SPNS2: variants seen among roughly 807,000 people sequenced by gnomAD.
The protein encoded by SPNS2 is sphingosine-1-phosphate transporter SPNS2.
In SPNS2, 37 loss-of-function variants were observed where a neutral mutation model predicts 57.6. The ratio of observed to expected loss-of-function variants is 0.64; its 90% CI spans 0.49 to 0.85. SPNS2 has a LOEUF of 0.85. Among genes scored for constraint, SPNS2 ranks in the 40% least tolerant of loss-of-function variants. SPNS2 has a pLI of 0.00. For missense variants in SPNS2, 831 were observed against 779.1 expected (o/e 1.07, Z -0.79); for synonymous variants, 440 against 346.9 (o/e 1.27, Z -2.98).
At chr17:4,531,683 G>A (rs762850256) in intron 5 of SPNS2, among the ~76,000 whole-genome samples, 1 of 152,150 alleles carries the variant, frequency 6.6e-6, no homozygotes, top group Non-Finnish European at 1.5e-5. Context: ...ATTTCTTAGT[G>A]GGGTGGGGGG....
intron 1 of SPNS2, among the ~76,000 whole-genome samples, chr17:4,501,999 A>G (rs1241076703): frequency 6.6e-6 from 1 of 152,266 alleles, no homozygotes; most frequent in Non-Finnish European, 1.5e-5. Flanking sequence ...GGACTAAAAT[A>G]GTACAAGAAA....
intron 1 of SPNS2, among the ~76,000 whole-genome samples, chr17:4,505,200 C>T (rs1904641517): frequency 6.6e-6 from 1 of 152,120 alleles, no homozygotes; most frequent in Admixed American, 6.5e-5. Flanking sequence ...ACCTGGGACC[C>T]CCGCATGCAT....
Position 4,533,109 on chromosome 17 carries a change from G to A in SPNS2, c.1068G>A (p.Pro356=), listed in dbSNP as rs766373635. The A allele has an allele frequency of 6.8e-6, 11 of 1,611,028 alleles. No individual in the cohort carries two copies. Among genetic ancestry groups the A allele is most frequent in the African/African-American group, 5.3e-5 (4 of 74,898 alleles). The change falls in exon 7 of 13, where the codon CCG becomes CCA. Residue 356 remains proline, a synonymous_variant. Coordinates refer to ENST00000329078, the MANE Select transcript of SPNS2 (RefSeq NM_001124758.3). ...AGACAGCAGAGACGTGCAACAGCCC[G>A]CCCTGTGGGGCCAAGGACAGGTGGG... ...VQKTAETCNS[P]PCGAKDSLIF... is the part of the protein sequence containing the mutation.
chr17:4,525,807 C>T (rs1006585194), intron 3 of SPNS2, among the ~76,000 whole-genome samples: 1 of 152,212 alleles, frequency 6.6e-6, no homozygotes, highest in African/African-American at 2.4e-5. Context: ...TCGAAGGTTT[C>T]CCTTGAGAAG....
In SPNS2 at chr17:4,525,097, C is replaced by T. The variant is rs1905231022; in HGVS notation, c.477C>T (p.Gly159=). The part of the protein sequence containing the change: ...CSFMVAAPIF[G]YLGDRFNRKV... ...TCATGGTGGCTGCCCCCATCTTCGG[C>T]TACCTGGGCGACCGCTTCAACAGGA... is the stretch of plus-strand genomic sequence containing the variant. Residue 159 remains glycine, a synonymous_variant, in exon 3 of 13, where the codon GGC becomes GGT. Transcript: ENST00000329078. The T allele has an allele frequency of 6.2e-7, 1 of 1,614,262 alleles. No individual in the cohort carries two copies. The highest frequency in any genetic ancestry group is 8.5e-7 in the Non-Finnish European group (1 of 1,180,048).
chr17:4,537,047 C>CA, intron 12 of SPNS2, 101 bp downstream of exon 12: 1 of 1,248,730 alleles, frequency 8.0e-7, no homozygotes, highest in Admixed American at 2.2e-5. Flanking sequence ...CCTCCTACCC[C>CA]AGCACATCCC....
chr17:4,519,972 T>C (rs113322482), intron 2 of SPNS2, among the ~76,000 whole-genome samples: 3,586 of 152,202 alleles, frequency 0.024, 143 homozygotes, highest in African/African-American at 0.082. Context: ...CTCCCTCCTG[T>C]CTGTCCTGAG....
intron 9 of SPNS2, 139 bp from the exon 10 acceptor site, chr17:4,535,937 C>T (rs1905760129): frequency 3.0e-6 from 2 of 675,730 alleles, no homozygotes; most frequent in East Asian, 5.5e-5. Context: ...AGGGCAGGGC[C>T]CAGGGGAGAG....
In SPNS2 at chr17:4,537,919, G is replaced by A. The variant is rs1287358061; in HGVS notation, c.*471G>A. ...CGGAGAGCAGGTGGCCCAGGCCTCA[G>A]GGCGGCAGTCCCGGCTTTGAGGCTC... On this transcript the variant is annotated 3_prime_UTR_variant, in exon 13 of 13. Transcript: ENST00000329078. 1 of 401,752 alleles carries A rather than the reference G, an allele frequency of 2.5e-6. No individual in the cohort carries two copies. Among genetic ancestry groups the A allele is most frequent in the Non-Finnish European group, 5.1e-6 (1 of 195,968 alleles). The allele number at this position is 401,752 out of a possible 1,614,324, so 24.9% of individuals were successfully genotyped here.
intron 3 of SPNS2, among the ~76,000 whole-genome samples, chr17:4,527,083 G>A (rs1001612924): frequency 6.6e-6 from 1 of 152,220 alleles, no homozygotes; most frequent in African/African-American, 2.4e-5. Context: ...GTGTGTGGAA[G>A]GAGACAGAAG....
At chr17:4,531,333 G>A (rs560349991) in intron 5 of SPNS2, among the ~76,000 whole-genome samples, 5 of 152,108 alleles carry the variant, frequency 3.3e-5, no homozygotes, top group Non-Finnish European at 7.4e-5. Flanking sequence ...ACACAGCCCC[G>A]CCGCCCTCGG....
At chr17:4,529,269 G>A (rs201314294) in intron 3 of SPNS2, among the ~76,000 whole-genome samples, 17 of 151,546 alleles carry the variant, frequency 1.1e-4, no homozygotes, top group African/African-American at 2.7e-4. Context: ...TTTTAGAGAC[G>A]AGGTCTCACT....
At position 4,536,759 on chromosome 17, in the gene SPNS2, CT is replaced by C. The variant is rs1451659598; in HGVS notation, c.1608-140del. 6 of 724,470 alleles carry C rather than the reference CT, an allele frequency of 8.3e-6. No individual in the cohort carries two copies. In the African/African-American group the frequency reaches 1.1e-4, roughly 13 times the overall value. 44.9% of individuals were successfully genotyped at this position (724,470 alleles called of 1,614,324 possible). A position where few individuals can be genotyped will look rare whatever the true frequency, so the allele number is the denominator to read the frequency against. The stretch of plus-strand genomic sequence containing the variant: ...TCTCTCCTCTCCCCACCCCTGGGCT[CT>C]CCCATCTCCCCCTGGGGCTGACGAG... On this transcript the variant is annotated intron_variant, in intron 11 of 12. Transcript: ENST00000329078.
At chr17:4,505,829 G>A (rs548311382) in intron 1 of SPNS2, among the ~76,000 whole-genome samples, 45 of 152,262 alleles carry the variant, frequency 3.0e-4, no homozygotes, top group African/African-American at 7.9e-4. Flanking sequence ...CCTGCCTCCC[G>A]CTTTCCTCTG....
At chr17:4,525,503 G>A (rs1276746696) in intron 3 of SPNS2, among the ~76,000 whole-genome samples, 3 of 152,234 alleles carry the variant, frequency 2.0e-5, no homozygotes, top group South Asian at 2.1e-4. Context: ...TGAGGGCCTT[G>A]AGTCCTAGCC....
chr17:4,509,826 T>G (rs770456712), intron 1 of SPNS2, among the ~76,000 whole-genome samples: 1 of 152,364 alleles, frequency 6.6e-6, no homozygotes, highest in African/African-American at 2.4e-5. Flanking sequence ...TGGAGAGGCC[T>G]GCATTGTGGC....
At chr17:4,513,121 C>T in intron 1 of SPNS2, 126 bp from the exon 2 acceptor site, 1 of 1,037,528 alleles carries the variant, frequency 9.6e-7, no homozygotes, top group South Asian at 1.4e-5. Flanking sequence ...GTAGAGGTCG[C>T]AGCAGAGCAG....
At chr17:4,519,527 C>T (rs1382947801) in intron 2 of SPNS2, among the ~76,000 whole-genome samples, 1 of 152,296 alleles carries the variant, frequency 6.6e-6, no homozygotes, top group East Asian at 1.9e-4. Flanking sequence ...TGACCCCTCC[C>T]TCCCTGCTGT....
chr17:4,515,106 T>G (rs1904951851), intron 2 of SPNS2, among the ~76,000 whole-genome samples: 1 of 152,028 alleles, frequency 6.6e-6, no homozygotes, highest in Non-Finnish European at 1.5e-5. Flanking sequence ...GGTTGGGGGC[T>G]CGGCTCAAGG....
Sources: allele counts gnomAD v4.1 joint callset (sites outside exome capture counted in the v4.1 genomes callset), GRCh38; gene constraint gnomAD v4.1.1; transcripts MANE v1.5; gene names NCBI Gene and HGNC (gene_info 2026-07-23, HGNC 2026-07-21).